The following TXNDC12 variants were observed in gnomAD, a reference collection of about 807,000 sequenced individuals.
TXNDC12 encodes thioredoxin domain-containing protein 12.
In TXNDC12, 22 loss-of-function variants were observed where a neutral mutation model predicts 24.2. The ratio of observed to expected loss-of-function variants is 0.91; its 90% CI spans 0.65 to 1.30. TXNDC12 has a LOEUF of 1.30. Ranked by LOEUF, TXNDC12 falls within the 50% of genes most tolerant of loss-of-function variation. The pLI is 0.00. For synonymous variants in TXNDC12, 58 were observed against 73.4 expected (o/e 0.79, Z 1.07); for missense variants, 184 against 205.8 (o/e 0.89, Z 0.65).
At chr1:52,040,412 C>G (rs1375422701) in intron 2 of TXNDC12, among the ~76,000 whole-genome samples, 1 of 152,060 alleles carries the variant, frequency 6.6e-6, no homozygotes, top group African/African-American at 2.4e-5. Context: ...GTCTCAACCT[C>G]CTGGGCTCAA....
chr1:52,028,073 G>A lies in TXNDC12; in HGVS notation c.211+505C>T, dbSNP rs184077554. On this transcript the variant is annotated intron_variant, in intron 3 of 6. Coordinates refer to ENST00000371626, the MANE Select transcript of TXNDC12 (RefSeq NM_015913.4). Reference sequence around the variant, plus strand: ...CTCCTGGCCTCAAGTGATCTGCCCGGCCCAGCCTCCCAGAGTGCTGGGATT... The same window carrying A: ...CTCCTGGCCTCAAGTGATCTGCCCGACCCAGCCTCCCAGAGTGCTGGGATT... 2.0e-3 allele frequency among the ~76,000 whole-genome samples: 297 copies of A among 152,060 alleles called. 1 individual carries two copies. The highest frequency in any genetic ancestry group is 6.8e-3 in the African/African-American group (282 of 41,480).
intron 1 of TXNDC12, chr1:52,052,315 A>G (rs1186439149): frequency 6.1e-6 from 1 of 162,908 alleles, no homozygotes; most frequent in African/African-American, 2.4e-5. Flanking sequence ...TGTGGCAGAT[A>G]TGCCCTTCTT....
At chr1:52,033,190 T>G in intron 2 of TXNDC12, 1 of 1,614,196 alleles carries the variant, frequency 6.2e-7, no homozygotes, top group Non-Finnish European at 8.5e-7. Context: ...TTTCTCTGAA[T>G]CCGGAGTCAC....
intron 2 of TXNDC12, chr1:52,032,619 G>A (rs1300276086): frequency 1.3e-6 from 2 of 1,522,084 alleles, no homozygotes; most frequent in African/African-American, 1.4e-5. Flanking sequence ...ATGCTCTGGA[G>A]ACCTGCAGCC....
chr1:52,020,204 A>C lies in TXNDC12; in HGVS notation c.*729T>G, dbSNP rs757424940. 17 of 216,442 alleles carry C rather than the reference A, an allele frequency of 7.9e-5. No homozygotes were observed. Among genetic ancestry groups the C allele is most frequent in the Non-Finnish European group, 1.4e-4 (15 of 106,688 alleles). The allele number at this position is 216,442 out of a possible 1,614,324, so 13.4% of individuals were successfully genotyped here. ...TTTTTTTGTTAATGCCAGTACAAAA[A>C]TACAGTTGATGACTTGACAAAATGG... On this transcript the variant is annotated 3_prime_UTR_variant, in exon 7 of 7. Transcript: ENST00000371626.
chr1:52,025,218 TTTC>T (rs1454748908), intron 4 of TXNDC12, among the ~76,000 whole-genome samples: 1 of 151,998 alleles, frequency 6.6e-6, no homozygotes, highest in East Asian at 1.9e-4. Flanking sequence ...CACAATCAGT[TTTC>T]TTTTTTTTTT....
At chr1:52,033,791 G>C in intron 2 of TXNDC12, 1 of 1,537,994 alleles carries the variant, frequency 6.5e-7, no homozygotes, top group South Asian at 1.2e-5. Flanking sequence ...TGGCAACCGC[G>C]CTGCGCCAAC....
chr1:52,055,768 C>G (rs1446781098), upstream of TXNDC12: 1 of 152,260 alleles, frequency 6.6e-6, no homozygotes, highest in Non-Finnish European at 1.5e-5. Flanking sequence ...ATGATGCAAC[C>G]AACTGATGCA....
intron 3 of TXNDC12, among the ~76,000 whole-genome samples, chr1:52,028,228 A>T (rs1471055032): frequency 6.6e-6 from 1 of 152,138 alleles, no homozygotes; most frequent in Non-Finnish European, 1.5e-5. Context: ...GGTATAGCAG[A>T]AAGAACACAT....
chr1:52,055,435 CG>C (rs1306152085), upstream of TXNDC12: 1 of 266,860 alleles, frequency 3.7e-6, no homozygotes, highest in African/African-American at 2.2e-5. Flanking sequence ...TCGGGAGAAC[CG>C]TTGCTCCTCG....
Position 52,044,099 on chromosome 1 carries a change from A to G in TXNDC12, c.98-2502T>C, listed in dbSNP as rs571141327. 2.6e-5 allele frequency: 4 copies of G among 152,346 alleles called. No homozygotes were observed. The South Asian group carries it at 8.3e-4, about 32-fold the overall frequency. The allele number at this position is 152,346 out of a possible 1,614,324, so 9.4% of individuals were successfully genotyped here. A position where few individuals can be genotyped will look rare whatever the true frequency, so the allele number is the denominator to read the frequency against. ...ATTGGTCAATATCTAAACTCAGGCAACTGAATCCTGCTTTGGCAAGATGCC... is the reference window on the plus strand; with the variant it reads ...ATTGGTCAATATCTAAACTCAGGCAGCTGAATCCTGCTTTGGCAAGATGCC... On this transcript the variant is annotated intron_variant, in intron 1 of 6. Coordinates refer to ENST00000371626, the MANE Select transcript of TXNDC12 (RefSeq NM_015913.4).
chr1:52,033,272 C>A, intron 2 of TXNDC12: 1 of 1,613,934 alleles, frequency 6.2e-7, no homozygotes, highest in Non-Finnish European at 8.5e-7. Flanking sequence ...TGGGCACTTC[C>A]ATTTACTACA....
chr1:52,046,584 A>T lies in TXNDC12; in HGVS notation c.98-4987T>A, dbSNP rs560280461. The stretch of plus-strand genomic sequence containing the variant: ...AGATCGAATACATACAACTCTTTCA[A>T]AAAATTTTTGACTGGGTGTCGTGGC... On this transcript the variant is annotated intron_variant, in intron 1 of 6. Coordinates refer to ENST00000371626, the MANE Select transcript of TXNDC12 (RefSeq NM_015913.4). Among the ~76,000 whole-genome samples the T allele has an allele frequency of 5.9e-5, 9 of 152,258 alleles. No individual in the cohort carries two copies. In the East Asian group the frequency reaches 1.7e-3, roughly 29 times the overall value.
At chr1:52,047,244 A>G (rs1297642324) in intron 1 of TXNDC12, among the ~76,000 whole-genome samples, 1 of 152,168 alleles carries the variant, frequency 6.6e-6, no homozygotes, top group African/African-American at 2.4e-5. Context: ...ATCAGGTAAC[A>G]ACAGGAAAGG....
intron 1 of TXNDC12, among the ~76,000 whole-genome samples, chr1:52,054,535 C>T (rs1686287828): frequency 6.6e-6 from 1 of 152,234 alleles, no homozygotes; most frequent in South Asian, 2.1e-4. Flanking sequence ...GATACAGCTA[C>T]CTGGGATGCA....
chr1:52,051,814 C>T (rs1316346539), intron 1 of TXNDC12: 1 of 169,314 alleles, frequency 5.9e-6, no homozygotes, highest in African/African-American at 2.4e-5. Flanking sequence ...GGGAAGAAAT[C>T]CATCTCATTA....
intron 5 of TXNDC12, 119 bp downstream of exon 5, chr1:52,024,391 A>T: frequency 1.3e-6 from 1 of 773,712 alleles, no homozygotes; most frequent in South Asian, 1.7e-5. Context: ...CTCTCTTGAA[A>T]CTGGTTTTTA....
At chr1:52,034,867 G>A (rs1426558264) in intron 2 of TXNDC12, among the ~76,000 whole-genome samples, 2 of 152,060 alleles carry the variant, frequency 1.3e-5, no homozygotes, top group African/African-American at 2.4e-5. Context: ...GAGTTCAAGC[G>A]ATTCTCCTGT....
chr1:52,028,540 A>G (rs770671440), intron 3 of TXNDC12, 38 bp downstream of exon 3: 1 of 1,556,340 alleles, frequency 6.4e-7, no homozygotes. Context: ...TTAACAACAC[A>G]TCTGAGTTTT....
Sources: allele counts gnomAD v4.1 joint callset (sites outside exome capture counted in the v4.1 genomes callset), GRCh38; gene constraint gnomAD v4.1.1; transcripts MANE v1.5; gene names NCBI Gene and HGNC (gene_info 2026-07-23, HGNC 2026-07-21).